CHLSN: variants seen among roughly 807,000 people sequenced by gnomAD.
CHLSN encodes the protein protein cholesin.
the CHLSN span, among the ~76,000 whole-genome samples, chr7:978,608 A>G: frequency 6.6e-6 from 1 of 152,246 alleles, no homozygotes; most frequent in Non-Finnish European, 1.5e-5. Context: ...CCGGATCCCC[A>G]GAGCCTGGAG....
chr7:1,053,300 G>GT, the CHLSN span, among the ~76,000 whole-genome samples: 1 of 152,270 alleles, frequency 6.6e-6, no homozygotes, highest in African/African-American at 2.4e-5. Flanking sequence ...GGACGCAGGT[G>GT]TGGCGACGGC....
At chr7:1,108,624 A>G in the CHLSN span, among the ~76,000 whole-genome samples, 1 of 152,178 alleles carries the variant, frequency 6.6e-6, no homozygotes. Flanking sequence ...TCCGCCAGCT[A>G]AAAGGATTTT....
chr7:986,757 C>A, the CHLSN span: 2 of 1,603,050 alleles, frequency 1.2e-6, no homozygotes, highest in South Asian at 1.1e-5. Context: ...CCGGGGGACC[C>A]CGTGTGCAGC....
At chr7:1,062,665 G>A in the CHLSN span, among the ~76,000 whole-genome samples, 1 of 152,222 alleles carries the variant, frequency 6.6e-6, no homozygotes, top group African/African-American at 2.4e-5. Context: ...CCCTGAGGAT[G>A]GAACTGAGGT....
At chr7:1,107,780 ACAC>A in the CHLSN span, among the ~76,000 whole-genome samples, 1 of 140,450 alleles carries the variant, frequency 7.1e-6, no homozygotes, top group Non-Finnish European at 1.6e-5. Flanking sequence ...GCTGTGTCCC[ACAC>A]TGGAGTCCTG....
the CHLSN span, among the ~76,000 whole-genome samples, chr7:1,107,292 G>A: frequency 4.6e-5 from 7 of 152,146 alleles, no homozygotes; most frequent in East Asian, 3.9e-4. Context: ...CCCATGATGC[G>A]CTCACAGACA....
At chr7:1,051,871 G>A in the CHLSN span, among the ~76,000 whole-genome samples, 1 of 152,194 alleles carries the variant, frequency 6.6e-6, no homozygotes, top group Non-Finnish European at 1.5e-5. Context: ...CCAGCTTCTT[G>A]GGAGGCTGAG....
At chr7:1,012,848 C>T in the CHLSN span, among the ~76,000 whole-genome samples, 1 of 152,242 alleles carries the variant, frequency 6.6e-6, no homozygotes, top group African/African-American at 2.4e-5. Context: ...GCCGGCTCCA[C>T]TCCGTGCCAT....
At chr7:1,032,783 G>A in the CHLSN span, among the ~76,000 whole-genome samples, 1 of 152,256 alleles carries the variant, frequency 6.6e-6, no homozygotes, top group Non-Finnish European at 1.5e-5. Context: ...AGGTCCCCAA[G>A]AGAAAACACT....
the CHLSN span, among the ~76,000 whole-genome samples, chr7:1,001,693 T>C: frequency 2.5e-5 from 2 of 79,328 alleles, no homozygotes; most frequent in Admixed American, 2.9e-4. Context: ...GGGTGGGGAG[T>C]CCTGCGGGTG....
At chr7:1,105,272 C>T in the CHLSN span, among the ~76,000 whole-genome samples, 2 of 152,192 alleles carry the variant, frequency 1.3e-5, no homozygotes, top group East Asian at 1.9e-4. Flanking sequence ...GCCCTTCGAA[C>T]GCCAAGAAGA....
the CHLSN span, among the ~76,000 whole-genome samples, chr7:1,136,369 AAT>A: frequency 3.1e-5 from 3 of 97,432 alleles, no homozygotes; most frequent in Non-Finnish European, 3.5e-5. Context: ...CATATATATA[AAT>A]ATATATAAAT....
the CHLSN span, among the ~76,000 whole-genome samples, chr7:1,074,985 G>A: frequency 4.6e-5 from 7 of 152,366 alleles, no homozygotes; most frequent in Non-Finnish European, 1.0e-4. Context: ...GGACGTGTGA[G>A]CTGGGGGGCT....
At chr7:1,069,309 C>G in the CHLSN span, among the ~76,000 whole-genome samples, 1 of 152,172 alleles carries the variant, frequency 6.6e-6, no homozygotes, top group Admixed American at 6.5e-5. Flanking sequence ...CCAGCCTGGG[C>G]GACAGAGCGA....
the CHLSN span, among the ~76,000 whole-genome samples, chr7:1,070,628 AAC>A: frequency 4.1e-5 from 5 of 122,224 alleles, no homozygotes; most frequent in Non-Finnish European, 8.9e-5. Flanking sequence ...ACACGCACAC[AAC>A]ACGCACACGG....
chr7:998,839 C>G, the CHLSN span, among the ~76,000 whole-genome samples: 1 of 152,152 alleles, frequency 6.6e-6, no homozygotes, highest in African/African-American at 2.4e-5. Flanking sequence ...TTGCCTCACC[C>G]AAGGGCACGA....
At chr7:988,602 G>A in the CHLSN span, 9 of 1,602,618 alleles carry the variant, frequency 5.6e-6, no homozygotes, top group East Asian at 1.8e-4. Context: ...CAGGCCTGGT[G>A]CAGCCCACTC....
At chr7:984,397 C>T in the CHLSN span, 84 of 1,545,038 alleles carry the variant, frequency 5.4e-5, 1 homozygote, top group African/African-American at 1.1e-4. Flanking sequence ...GGGTGACCCC[C>T]GCCATCCCTG....
At chr7:1,115,028 A>G in the CHLSN span, among the ~76,000 whole-genome samples, 1 of 152,206 alleles carries the variant, frequency 6.6e-6, no homozygotes, top group Non-Finnish European at 1.5e-5. Context: ...GCCTTTGTGG[A>G]TACCGTGGGC....
Sources: gnomAD v4.1 joint callset for allele counts (sites outside exome capture counted in the v4.1 genomes callset) on GRCh38, gnomAD v4.1.1 for gene constraint, MANE v1.5 for transcripts, NCBI Gene and HGNC (gene_info 2026-07-23, HGNC 2026-07-21) for gene names.